The following CECR2 variants were observed in gnomAD, a reference collection of about 807,000 sequenced individuals.
The protein encoded by CECR2 is chromatin remodeling regulator CECR2.
A neutral mutation model predicts 154.5 loss-of-function variants in CECR2; 30 were observed. That is an observed-to-expected ratio of 0.19 (90% CI 0.15 to 0.26). The LOEUF is 0.26. Among genes scored for constraint, CECR2 ranks in the 10% least tolerant of loss-of-function variants. CECR2 has a pLI of 1.00. For missense variants in CECR2, 1,743 were observed against 1,829.3 expected, an observed-to-expected ratio of 0.95 and a Z score of 0.86; for synonymous variants, 725 against 683.7, an observed-to-expected ratio of 1.06 and a Z score of -0.94.
At chr22:17,475,781 C>G (rs2055198581) in intron 1 of CECR2, among the ~76,000 whole-genome samples, 1 of 152,104 alleles carries the variant, frequency 6.6e-6, no homozygotes, top group Non-Finnish European at 1.5e-5. Context: ...CCATTCAAGT[C>G]TTCCCTCGCC....
chr22:17,435,770 C>T (rs1243953126), intron 1 of CECR2, among the ~76,000 whole-genome samples: 1 of 151,308 alleles, frequency 6.6e-6, no homozygotes, highest in Non-Finnish European at 1.5e-5. Context: ...ATAGTCATCC[C>T]ATCCCTTATA....
In CECR2 at chr22:17,500,636, G is replaced by C; in HGVS notation, c.551G>C (p.Ser184Thr). The C allele has an allele frequency of 6.5e-7, 1 of 1,547,464 alleles. No homozygotes were observed. The highest frequency in any genetic ancestry group is 2.4e-5 in the East Asian group (1 of 41,012). ...TATTTAATATTATTTATTAGGGAAA[G>C]TGAAGGACAAAAAAATGTCTCAAGT... ...SNGELSLSRESEGQKNVSSIP... is the reference protein window; with the variant it reads ...SNGELSLSRETEGQKNVSSIP... The change falls in exon 5 of 19, where the codon AGT becomes ACT. Residue 184 changes from serine to threonine, a missense_variant. By Grantham distance (58) the Ser-to-Thr change is moderately conservative. Transcript: ENST00000262608.
rs766623465 is a variant in CECR2 at position 17,549,196 on chromosome 22, C to T, written c.3909C>T (p.Asn1303=). The change falls in exon 17 of 19, where the codon AAC becomes AAT. Residue 1303 remains asparagine, a synonymous_variant. Transcript: ENST00000262608. ...AATTTTTAGACCTGGACAACCATAA[C>T]GCAGCTACCAAGCGGCAGAGCTCGT... ...PKEFLDLDNH[N]AATKRQSSLS... 79 of 1,614,046 alleles carry T rather than the reference C, an allele frequency of 4.9e-5. No individual in the cohort carries two copies. In the East Asian group the frequency reaches 1.6e-3, roughly 32 times the overall value.
At chr22:17,515,897 G>C (rs1601496505) in intron 8 of CECR2, among the ~76,000 whole-genome samples, 2 of 151,886 alleles carry the variant, frequency 1.3e-5, no homozygotes, top group Non-Finnish European at 1.5e-5. Context: ...GGATGGTCTC[G>C]ATCTCCTGAC....
At chr22:17,532,333 C>G (rs972345265) in intron 9 of CECR2, among the ~76,000 whole-genome samples, 1 of 152,182 alleles carries the variant, frequency 6.6e-6, no homozygotes, top group African/African-American at 2.4e-5. Context: ...CAGGGTTTCA[C>G]TCTCTAAAGA....
In CECR2 at chr22:17,542,407, C is replaced by T. The variant is rs2056540315; in HGVS notation, c.2264C>T (p.Pro755Leu). Residue 755 changes from proline (P) to leucine (L), a missense_variant, in exon 16 of 19, where the codon CCT becomes CTT. Coordinates refer to ENST00000262608, the MANE Select transcript of CECR2 (RefSeq NM_001290047.2). ...GACTTTCCTGAAAGCTCAGAAATTC[C>T]TCCCAGCCATATGTATCGATCGTAC... ...PPDFPESSEI[P>L]PSHMYRSYKY... 6.2e-7 allele frequency: 1 copy of T among 1,613,854 alleles called. No homozygotes were observed. Among genetic ancestry groups the T allele is most frequent in the South Asian group, 1.1e-5 (1 of 91,078 alleles).
chr22:17,379,412 G>A (rs575471007), intron 1 of CECR2, among the ~76,000 whole-genome samples: 16 of 152,290 alleles, frequency 1.1e-4, no homozygotes, highest in Admixed American at 8.5e-4. Flanking sequence ...GCCTAGTGCC[G>A]CAGGGAGGAG....
chr22:17,378,625 C>T (rs1481139310), intron 1 of CECR2, among the ~76,000 whole-genome samples: 16 of 152,210 alleles, frequency 1.1e-4, no homozygotes, highest in South Asian at 2.1e-4. Flanking sequence ...GGCCTCTATG[C>T]TCCAGGTGCC....
chr22:17,398,530 AGTG>A (rs1345722370), intron 1 of CECR2, among the ~76,000 whole-genome samples: 1 of 152,148 alleles, frequency 6.6e-6, no homozygotes, highest in African/African-American at 2.4e-5. Context: ...TATTGAGAGA[AGTG>A]GTGGTGAAGA....
intron 1 of CECR2, among the ~76,000 whole-genome samples, chr22:17,447,033 C>CTGTTTTTT (rs1339121774): frequency 0.011 from 1,309 of 113,970 alleles, 239 homozygotes; most frequent in African/African-American, 0.043. Flanking sequence ...CGTTTACAAT[C>CTGTTTTTT]TTTTTTTTTT....
chr22:17,370,570 C>G (rs1464097242), intron 1 of CECR2, among the ~76,000 whole-genome samples: 1 of 152,120 alleles, frequency 6.6e-6, no homozygotes, highest in Admixed American at 6.5e-5. Context: ...AATATCCAGC[C>G]TCTTTATCGC....
intron 2 of CECR2, among the ~76,000 whole-genome samples, chr22:17,482,142 G>A (rs1285105286): frequency 0.089 from 6,048 of 67,880 alleles, 468 homozygotes; most frequent in East Asian, 0.27. Context: ...AAAAAAAAAA[G>A]GGCGTGGCAT....
At chr22:17,368,485 G>C (rs1172986179), upstream of CECR2, among the ~76,000 whole-genome samples, 1 of 151,640 alleles carries the variant, frequency 6.6e-6, no homozygotes, top group Non-Finnish European at 1.5e-5. Flanking sequence ...CTTCTAGCCT[G>C]TTTCTGGGGT....
chr22:17,488,383 A>AAG (rs2055463232), intron 2 of CECR2, among the ~76,000 whole-genome samples: 1 of 152,206 alleles, frequency 6.6e-6, no homozygotes, highest in Admixed American at 6.5e-5. Context: ...AGGGCACCAC[A>AAG]TAGTCACTAT....
chr22:17,411,784 C>T (rs1357843712), intron 1 of CECR2, among the ~76,000 whole-genome samples: 7 of 151,980 alleles, frequency 4.6e-5, no homozygotes, highest in African/African-American at 9.7e-5. Context: ...ATAATTACTT[C>T]GAGCCTATAT....
At chr22:17,486,188 A>G (rs1344180948) in intron 2 of CECR2, among the ~76,000 whole-genome samples, 1 of 152,250 alleles carries the variant, frequency 6.6e-6, no homozygotes, top group African/African-American at 2.4e-5. Context: ...TTCATAGTCA[A>G]CAACTTAGAC....
intron 1 of CECR2, among the ~76,000 whole-genome samples, chr22:17,428,826 G>GTGTGTGTGTGTGTGTGTGTGTATA (rs369291932): frequency 1.3e-5 from 2 of 150,594 alleles, no homozygotes; most frequent in African/African-American, 4.9e-5. Context: ...GTGTGTGTGT[G>GTGTGTGTGTGTGTGTGTGTGTATA]TATATAAAGG....
At position 17,495,861 on chromosome 22, in the gene CECR2, C is replaced by CAAAA. The variant is rs10558473; in HGVS notation, c.222-1521_222-1518dup. Among the ~76,000 whole-genome samples, 359 of 67,178 alleles carry CAAAA rather than the reference C, an allele frequency of 5.3e-3. 6 individuals carry two copies. Among genetic ancestry groups the CAAAA allele is most frequent in the Non-Finnish European group, 7.6e-3 (288 of 37,886 alleles). The allele number at this position is 67,178 out of a possible 152,430, so 44.1% of individuals were successfully genotyped here. A position where few individuals can be genotyped will look rare whatever the true frequency, so the allele number is the denominator to read the frequency against. ...TGGGTGACAGAGCAAGACTCTGTCTCAAAAAAAAAAAAAAAAAAAAAAAAG... is the reference window on the plus strand; with the variant it reads ...TGGGTGACAGAGCAAGACTCTGTCTCAAAAAAAAAAAAAAAAAAAAAAAAAAAAG... On this transcript the variant is annotated intron_variant, in intron 2 of 18. Coordinates refer to ENST00000262608, the MANE Select transcript of CECR2 (RefSeq NM_001290047.2).
intron 1 of CECR2, among the ~76,000 whole-genome samples, chr22:17,407,684 CACCCTGTCTA>C (rs1350229102): frequency 6.6e-6 from 1 of 152,022 alleles, no homozygotes; most frequent in Non-Finnish European, 1.5e-5. Context: ...AGAAGTTAGG[CACCCTGTCTA>C]ACAGTGGTTC....
Sources: allele counts gnomAD v4.1 joint callset (sites outside exome capture counted in the v4.1 genomes callset), GRCh38; gene constraint gnomAD v4.1.1; transcripts MANE v1.5; gene names NCBI Gene and HGNC (gene_info 2026-07-23, HGNC 2026-07-21).